The following DAB1 variants were observed in gnomAD, a reference collection of about 807,000 sequenced individuals.
DAB1 encodes disabled homolog 1.
A neutral mutation model predicts 64.6 loss-of-function variants in DAB1; 15 were observed. That is an observed-to-expected ratio of 0.23 (90% CI 0.16 to 0.36). The LOEUF is 0.36. Ranked by LOEUF, DAB1 falls within the 10% of genes least tolerant of loss-of-function variation. The pLI, the probability that DAB1 is intolerant of heterozygous loss-of-function variation, is 1.00. For missense variants in DAB1, 596 were observed against 706.7 expected (o/e 0.84, Z 1.78); for synonymous variants, 235 against 251.9 (o/e 0.93, Z 0.64).
rs536587114 is a variant in DAB1, at chr1:58,221,401, G to C, written n.310-70813C>G. On this transcript the variant is annotated intron_variant and non_coding_transcript_variant, in intron 4 of 20. Coordinates refer to the DAB1 transcript ENST00000485760. ...AATTTTAAACAGATTCTTGGTATCA[G>C]CTTGTAAAATGATAACAGCTCCTGA... Among the ~76,000 whole-genome samples, 4 of 152,316 alleles carry C rather than the reference G, an allele frequency of 2.6e-5. No individual in the cohort carries two copies. In the East Asian group the frequency reaches 7.7e-4, roughly 29 times the overall value.
chr1:57,746,999 T>A (rs1648308043), intron 6 of DAB1, among the ~76,000 whole-genome samples: 1 of 152,222 alleles, frequency 6.6e-6, no homozygotes, highest in Non-Finnish European at 1.5e-5. Context: ...ATACGTTGGC[T>A]TTTTGTGTTT....
At chr1:58,151,845 A>T (rs1313994518) in intron 4 of DAB1, among the ~76,000 whole-genome samples, 1 of 152,228 alleles carries the variant, frequency 6.6e-6, no homozygotes, top group Admixed American at 6.5e-5. Flanking sequence ...GATAAGTGGT[A>T]AAAGTCTATC....
In DAB1 at chr1:57,908,389, A is replaced by T. The variant is rs1010329675; in HGVS notation, n.388-24227T>A. On this transcript the variant is annotated intron_variant and non_coding_transcript_variant, in intron 5 of 20. Transcript: ENST00000485760. Reference sequence around the variant, plus strand: ...CAACAAGCAGCCCAACAGCCGATTTAACCAATATAGATTTATTGCTTAACG... The same window carrying T: ...CAACAAGCAGCCCAACAGCCGATTTTACCAATATAGATTTATTGCTTAACG... Among the ~76,000 whole-genome samples, 18 of 152,280 alleles carry T rather than the reference A, an allele frequency of 1.2e-4. No homozygotes were observed. The East Asian group carries it at 3.3e-3, about 28-fold the overall frequency.
At chr1:58,087,826 G>A (rs1650412730) in intron 5 of DAB1, among the ~76,000 whole-genome samples, 1 of 152,166 alleles carries the variant, frequency 6.6e-6, no homozygotes, top group Admixed American at 6.5e-5. Context: ...GTCTACTCAA[G>A]CTCTTTGATG....
intron 7 of DAB1, among the ~76,000 whole-genome samples, chr1:57,506,098 T>C (rs1267190053): frequency 1.3e-5 from 2 of 152,202 alleles, no homozygotes; most frequent in East Asian, 1.9e-4. Context: ...TGGTAACTTA[T>C]ACTTAGGGGA....
intron 1 of DAB1, among the ~76,000 whole-genome samples, chr1:57,395,103 C>A (rs1682697430): frequency 6.6e-6 from 1 of 152,196 alleles, no homozygotes; most frequent in South Asian, 2.1e-4. Context: ...CGGCTCACTG[C>A]AACCTCCACC....
At chr1:57,187,815 C>G (rs762234279) in intron 2 of DAB1, among the ~76,000 whole-genome samples, 2 of 151,930 alleles carry the variant, frequency 1.3e-5, no homozygotes, top group African/African-American at 4.8e-5. Flanking sequence ...TTTGTCTCAG[C>G]GCTGATTGAG....
chr1:58,323,274 T>G (rs960838030), intron 4 of DAB1, among the ~76,000 whole-genome samples: 3 of 151,394 alleles, frequency 2.0e-5, no homozygotes, highest in African/African-American at 7.3e-5. Context: ...AATAAAATAT[T>G]CATCACTCTC....
At chr1:57,057,692 CTG>C in intron 9 of DAB1, among the ~76,000 whole-genome samples, 1 of 151,066 alleles carries the variant, frequency 6.6e-6, no homozygotes, top group Non-Finnish European at 1.5e-5. Context: ...ACTGCAAGCT[CTG>C]CCTCCCGGGT....
chr1:58,416,886 A>G (rs1414188862), intron 3 of DAB1, among the ~76,000 whole-genome samples: 1 of 152,188 alleles, frequency 6.6e-6, no homozygotes, highest in East Asian at 1.9e-4. Context: ...ACTGTAAAAT[A>G]CAGGATCTCA....
chr1:57,248,803 C>T (rs1196146500), intron 2 of DAB1, among the ~76,000 whole-genome samples: 1 of 152,196 alleles, frequency 6.6e-6, no homozygotes, highest in Non-Finnish European at 1.5e-5. Flanking sequence ...TCTGCATTTG[C>T]TCAGGCCCTC....
Position 57,080,765 on chromosome 1 carries a change from C to CAA in DAB1, c.307-8352_307-8351insTT, listed in dbSNP as rs1652437878. 8.6e-5 allele frequency among the ~76,000 whole-genome samples: 13 copies of CAA among 151,252 alleles called. No individual in the cohort carries two copies. In the South Asian group the frequency reaches 2.7e-3, roughly 31 times the overall value. Reference sequence around the variant, plus strand: ...ACACACACACACACACGCACACACACACACACACACCTTAAATAAGGAAAA... The same window carrying CAA: ...ACACACACACACACACGCACACACACAAACACACACACCTTAAATAAGGAAAA... On this transcript the variant is annotated intron_variant, in intron 4 of 14. Coordinates refer to ENST00000371236, the MANE Select transcript of DAB1 (RefSeq NM_001365792.1).
intron 4 of DAB1, among the ~76,000 whole-genome samples, chr1:58,167,838 G>A (rs1221484530): frequency 4.6e-5 from 7 of 152,052 alleles, no homozygotes; most frequent in East Asian, 1.9e-4. Context: ...CCATGAACCC[G>A]CCAGAAGGAA....
chr1:57,755,462 A>G (rs1648761337), intron 6 of DAB1, among the ~76,000 whole-genome samples: 1 of 152,206 alleles, frequency 6.6e-6, no homozygotes, highest in Admixed American at 6.5e-5. Context: ...GGGATATGTG[A>G]GAACAAAATT....
At chr1:58,093,860 G>A (rs1275116276) in intron 5 of DAB1, among the ~76,000 whole-genome samples, 2 of 152,116 alleles carry the variant, frequency 1.3e-5, no homozygotes, top group African/African-American at 2.4e-5. Flanking sequence ...GGAGCACTGG[G>A]GAACCCTCTC....
chr1:57,961,045 T>G (rs951570784), intron 5 of DAB1, among the ~76,000 whole-genome samples: 1 of 152,206 alleles, frequency 6.6e-6, no homozygotes, highest in Non-Finnish European at 1.5e-5. Context: ...CTTTTTTCAT[T>G]TGAAAAATTG....
chr1:57,892,440 A>C (rs1191948932), intron 5 of DAB1, among the ~76,000 whole-genome samples: 3 of 152,228 alleles, frequency 2.0e-5, no homozygotes, highest in Admixed American at 2.0e-4. Context: ...CTTTTCATTT[A>C]TGAACCCATT....
At chr1:57,497,722 G>C (rs1411282897) in intron 7 of DAB1, among the ~76,000 whole-genome samples, 2 of 152,192 alleles carry the variant, frequency 1.3e-5, no homozygotes, top group African/African-American at 4.8e-5. Flanking sequence ...GTCAAGAAGG[G>C]GTAATGGCAG....
chr1:58,122,738 T>A (rs973429750), intron 5 of DAB1, among the ~76,000 whole-genome samples: 2 of 152,170 alleles, frequency 1.3e-5, no homozygotes, highest in African/African-American at 4.8e-5. Context: ...GCTTCATGTC[T>A]TTGTATAGGA....
Sources: allele counts gnomAD v4.1 joint callset (sites outside exome capture counted in the v4.1 genomes callset), GRCh38; gene constraint gnomAD v4.1.1; transcripts MANE v1.5; gene names NCBI Gene and HGNC (gene_info 2026-07-23, HGNC 2026-07-21).